The following TBC1D14 variants were observed in gnomAD, a reference collection of about 807,000 sequenced individuals.
TBC1D14 encodes TBC1 domain family member 14.
In TBC1D14, 26 loss-of-function variants were observed where a neutral mutation model predicts 79.0. That is an observed-to-expected ratio of 0.33 (90% CI 0.24 to 0.46). The LOEUF (loss-of-function observed/expected upper bound fraction) is 0.46, where lower values mean the gene tolerates loss of function less well. TBC1D14 is among the 20% of genes least tolerant of loss of function. TBC1D14 has a pLI of 1.00. For synonymous variants in TBC1D14, 394 were observed against 349.9 expected (o/e 1.13, Z -1.40); for missense variants, 769 against 887.6 (o/e 0.87, Z 1.70).
chr4:6,913,255 A>G (rs1354669463), intron 1 of TBC1D14, among the ~76,000 whole-genome samples: 1 of 152,126 alleles, frequency 6.6e-6, no homozygotes, highest in African/African-American at 2.4e-5. Context: ...TGGGCCTCCC[A>G]AAGTGCTGGG....
intron 13 of TBC1D14, among the ~76,000 whole-genome samples, chr4:7,026,094 C>T (rs1722342529): frequency 6.6e-6 from 1 of 151,912 alleles, no homozygotes; most frequent in South Asian, 2.1e-4. Context: ...GCAGCCCCCG[C>T]CTCCCAGGCT....
At chr4:6,966,688 C>T (rs1715725696) in intron 2 of TBC1D14, among the ~76,000 whole-genome samples, 1 of 152,190 alleles carries the variant, frequency 6.6e-6, no homozygotes, top group Non-Finnish European at 1.5e-5. Flanking sequence ...AATGGTTGAG[C>T]CAGAGTTTCA....
chr4:6,924,069 G>A lies in TBC1D14; in HGVS notation c.680G>A (p.Ser227Asn), dbSNP rs536366369. 1.2e-6 allele frequency: 2 copies of A among 1,613,720 alleles called. No homozygotes were observed. Among genetic ancestry groups the A allele is most frequent in the South Asian group, 1.1e-5 (1 of 91,074 alleles). ...QDCVHEAEEG[S>N]KLKILGPFSN... is the part of the protein sequence containing the mutation. The stretch of plus-strand genomic sequence containing the variant: ...TGTGTTCATGAAGCTGAGGAGGGGA[G>A]TAAATTGAAAATATTGGGGCCATTT... Residue 227 changes from serine to asparagine, a missense_variant, in exon 2 of 14, where the codon AGT (serine) becomes AAT (asparagine). Physicochemically the swap from Ser to Asn is conservative, Grantham distance 46. Coordinates refer to ENST00000409757, the MANE Select transcript of TBC1D14 (RefSeq NM_020773.3).
At chr4:6,998,542 C>CT (rs1483827871) in intron 5 of TBC1D14, among the ~76,000 whole-genome samples, 1 of 148,054 alleles carries the variant, frequency 6.8e-6, no homozygotes, top group African/African-American at 2.6e-5. Context: ...TTCTTTTTTT[C>CT]TTTCTTTTTT....
At chr4:6,945,173 A>G (rs1258457709) in intron 2 of TBC1D14, among the ~76,000 whole-genome samples, 1 of 152,138 alleles carries the variant, frequency 6.6e-6, no homozygotes, top group Admixed American at 6.5e-5. Context: ...GTGAAAGGAG[A>G]CAAGGGCTCC....
chr4:7,030,669 C>A lies in TBC1D14; in HGVS notation c.*277C>A. On this transcript the variant is annotated 3_prime_UTR_variant, in exon 14 of 14. Coordinates refer to ENST00000409757, the MANE Select transcript of TBC1D14 (RefSeq NM_020773.3). ...TGAACGATGGGCAGTGGCTCACCCC[C>A]ACTCCTTTATTTCAGCAAAAGCTAA... The A allele has an allele frequency of 2.9e-6, 1 of 342,382 alleles. No individual in the cohort carries two copies. Among genetic ancestry groups the A allele is most frequent in the Non-Finnish European group, 5.6e-6 (1 of 178,622 alleles). 21.2% of individuals were successfully genotyped at this position (342,382 alleles called of 1,614,324 possible).
In TBC1D14 at chr4:7,032,835, C is replaced by T. The variant is rs2108774239; in HGVS notation, c.*2443C>T. 1 of 152,404 alleles carries T rather than the reference C, an allele frequency of 6.6e-6. No homozygotes were observed. Among genetic ancestry groups the T allele is most frequent in the Admixed American group, 6.5e-5 (1 of 15,310 alleles). 9.4% of individuals were successfully genotyped at this position (152,404 alleles called of 1,614,324 possible). Reference sequence around the variant, plus strand: ...ACAGTCTAAGACTTCAGGGCCGGGACCTTTGTCCAGCCTGCACAGTAGAGT... The same window carrying T: ...ACAGTCTAAGACTTCAGGGCCGGGATCTTTGTCCAGCCTGCACAGTAGAGT... On this transcript the variant is annotated 3_prime_UTR_variant, in exon 14 of 14. Transcript: ENST00000409757.
rs368239185 is a variant in TBC1D14, at chr4:6,999,240, A to C, written c.1163+38A>C. The stretch of plus-strand genomic sequence containing the variant: ...TCTGGGTGTGGCTGAACTGCAGAGC[A>C]TGTCTTTCTAGAATCTGTGGGCCAC... On this transcript the variant is annotated intron_variant, in intron 6 of 13. Transcript: ENST00000409757. 84 of 1,550,474 alleles carry C rather than the reference A, an allele frequency of 5.4e-5. No homozygotes were observed. In the African/African-American group the frequency reaches 9.9e-4, roughly 18 times the overall value.
intron 2 of TBC1D14, among the ~76,000 whole-genome samples, chr4:6,961,972 A>G (rs1361822030): frequency 6.6e-6 from 1 of 152,162 alleles, no homozygotes. Context: ...CTGTTGAGAA[A>G]GCGTCTCGCT....
intron 3 of TBC1D14, among the ~76,000 whole-genome samples, chr4:6,993,500 G>A (rs1277304540): frequency 3.3e-5 from 5 of 152,152 alleles, no homozygotes; most frequent in African/African-American, 1.2e-4. Context: ...ATTTGCAGTG[G>A]CAGCTTCCCA....
At chr4:6,955,809 TGCGTC>T (rs911012519) in intron 2 of TBC1D14, among the ~76,000 whole-genome samples, 5 of 152,130 alleles carry the variant, frequency 3.3e-5, no homozygotes, top group African/African-American at 1.2e-4. Context: ...CAGGGAGGAT[TGCGTC>T]CTGCCTCTCC....
intron 7 of TBC1D14, among the ~76,000 whole-genome samples, chr4:7,003,605 T>C (rs562404957): frequency 6.6e-6 from 1 of 152,338 alleles, no homozygotes; most frequent in African/African-American, 2.4e-5. Context: ...ATGGGAAAAA[T>C]AAAGTGCTGA....
rs1371978587 is a variant in TBC1D14, at chr4:7,004,853, A to C, written c.1280A>C (p.Asp427Ala). The C allele has an allele frequency of 6.2e-7, 1 of 1,614,014 alleles. No individual in the cohort carries two copies. The highest frequency in any genetic ancestry group is 8.5e-7 in the Non-Finnish European group (1 of 1,180,012). ...NELNITHELF[D>A]ICLARAKERW... ...GAGGCTTTTCTTCCAGAGCTCTTTG[A>C]CATCTGTCTTGCCCGAGCCAAGGAG... Residue 427 changes from aspartate to alanine, a missense_variant, in exon 8 of 14, where the codon GAC (aspartate) becomes GCC (alanine). Asp to Ala is a moderately radical substitution (Grantham distance 126). Coordinates refer to ENST00000409757, the MANE Select transcript of TBC1D14 (RefSeq NM_020773.3).
chr4:6,943,896 C>T (rs542684898), intron 2 of TBC1D14, among the ~76,000 whole-genome samples: 2 of 151,534 alleles, frequency 1.3e-5, no homozygotes, highest in South Asian at 2.1e-4. Flanking sequence ...CTTTTAAATT[C>T]TATGATTGTT....
intron 3 of TBC1D14, among the ~76,000 whole-genome samples, chr4:6,981,723 G>GA (rs1230925751): frequency 2.0e-5 from 3 of 152,212 alleles, no homozygotes; most frequent in Admixed American, 1.3e-4. Flanking sequence ...GTCAGTGTTT[G>GA]AAAATCGATC....
chr4:6,926,061 T>C (rs1724270273), intron 2 of TBC1D14, among the ~76,000 whole-genome samples: 2 of 152,184 alleles, frequency 1.3e-5, no homozygotes, highest in Admixed American at 1.3e-4. Context: ...TTCCTTCACC[T>C]CCCAGTCAGT....
intron 2 of TBC1D14, among the ~76,000 whole-genome samples, chr4:6,960,695 C>T (rs988836848): frequency 5.9e-5 from 9 of 152,328 alleles, no homozygotes; most frequent in East Asian, 1.9e-4. Context: ...GCACCTTTGG[C>T]GTGTCCAGTG....
At chr4:7,004,750 CT>C in intron 7 of TBC1D14, 93 bp from the exon 8 acceptor site, 1 of 1,158,642 alleles carries the variant, frequency 8.6e-7, no homozygotes, top group Non-Finnish European at 1.3e-6. Flanking sequence ...TATAGTTGAA[CT>C]TAAGTATTTG....
chr4:7,030,322 T>A lies in TBC1D14; in HGVS notation c.2017-5T>A, dbSNP rs766537629. On this transcript the variant is annotated splice_polypyrimidine_tract_variant and splice_region_variant and intron_variant, in intron 13 of 13. Transcript: ENST00000409757. ...AACCTCAGCTGTCTTCCCTGTGACTTCTAGGTACTGACTGCATTGCAGAAA... is the reference window on the plus strand; with the variant it reads ...AACCTCAGCTGTCTTCCCTGTGACTACTAGGTACTGACTGCATTGCAGAAA... The A allele has an allele frequency of 6.2e-7, 1 of 1,613,728 alleles. No homozygotes were observed. Among genetic ancestry groups the A allele is most frequent in the Non-Finnish European group, 8.5e-7 (1 of 1,179,710 alleles).
Sources: allele counts gnomAD v4.1 joint callset (sites outside exome capture counted in the v4.1 genomes callset), GRCh38; gene constraint gnomAD v4.1.1; transcripts MANE v1.5; gene names NCBI Gene and HGNC (gene_info 2026-07-23, HGNC 2026-07-21).